Variants in LRP1B observed in about 807,000 individuals in gnomAD.
LRP1B encodes the protein LDL receptor related protein 1B, also known as low-density lipoprotein receptor-related protein 1B.
Under a neutral mutation model 556.6 loss-of-function variants are expected in LRP1B, and 217 were observed. The ratio of observed to expected loss-of-function variants is 0.39; its 90% CI spans 0.35 to 0.44. The LOEUF is 0.44. Among genes scored for constraint, LRP1B ranks in the 20% least tolerant of loss-of-function variants. LRP1B has a pLI of 1.00. For missense variants in LRP1B, 5,053 were observed against 5,620.8 expected (o/e 0.90, Z 3.23); for synonymous variants, 2,047 against 1,865.8 (o/e 1.10, Z -2.50).
At chr2:141,969,278 C>T (rs1019503401) in intron 1 of LRP1B, among the ~76,000 whole-genome samples, 1 of 151,596 alleles carries the variant, frequency 6.6e-6, no homozygotes, top group South Asian at 2.1e-4. Flanking sequence ...TCGAAATGTA[C>T]TCTTTCCAAC....
chr2:141,196,276 C>T (rs562597841), intron 6 of LRP1B, among the ~76,000 whole-genome samples: 5 of 152,174 alleles, frequency 3.3e-5, no homozygotes, highest in East Asian at 3.9e-4. Context: ...GTTTTGGCTA[C>T]GTCAAGTGCA....
intron 3 of LRP1B, among the ~76,000 whole-genome samples, chr2:141,412,456 C>A (rs1690887963): frequency 6.6e-6 from 1 of 152,152 alleles, no homozygotes; most frequent in Non-Finnish European, 1.5e-5. Flanking sequence ...GAAGCACATA[C>A]TCATCCAGGT....
intron 41 of LRP1B, among the ~76,000 whole-genome samples, chr2:140,607,322 G>A (rs1682903952): frequency 1.3e-5 from 2 of 152,084 alleles, no homozygotes; most frequent in Non-Finnish European, 2.9e-5. Flanking sequence ...TGGTGGAAAT[G>A]TAAAATGGAG....
At chr2:141,180,499 G>A (rs904778128) in intron 7 of LRP1B, among the ~76,000 whole-genome samples, 6 of 151,930 alleles carry the variant, frequency 3.9e-5, no homozygotes, top group Non-Finnish European at 7.4e-5. Context: ...CTTTATAAGT[G>A]AAACAATAAC....
intron 1 of LRP1B, among the ~76,000 whole-genome samples, chr2:141,883,267 T>TA (rs1329816269): frequency 6.6e-6 from 1 of 152,178 alleles, no homozygotes; most frequent in Non-Finnish European, 1.5e-5. Context: ...TTTGCTCCCA[T>TA]ACACTTTGTA....
intron 2 of LRP1B, among the ~76,000 whole-genome samples, chr2:141,762,855 T>C (rs1209672657): frequency 6.6e-6 from 1 of 152,250 alleles, no homozygotes; most frequent in African/African-American, 2.4e-5. Context: ...TGAGATAGGC[T>C]TCACAGGAAT....
chr2:140,765,366 C>T (rs900902933), intron 35 of LRP1B, among the ~76,000 whole-genome samples: 6 of 151,982 alleles, frequency 3.9e-5, no homozygotes, highest in Non-Finnish European at 7.4e-5. Context: ...CATAAGTACC[C>T]CAAGGGGAGG....
chr2:141,532,501 C>A (rs1684921257), intron 2 of LRP1B, among the ~76,000 whole-genome samples: 1 of 145,270 alleles, frequency 6.9e-6, no homozygotes, highest in African/African-American at 2.5e-5. Flanking sequence ...CACTCAAAGT[C>A]ATTTTTATTT....
rs560126478 is a variant in LRP1B at position 141,782,422 on chromosome 2, T to A, written c.205+27857A>T. Among the ~76,000 whole-genome samples the A allele has an allele frequency of 1.4e-3, 211 of 151,844 alleles. 1 individual carries two copies. The highest frequency in any genetic ancestry group is 5.0e-3 in the African/African-American group (208 of 41,460). On this transcript the variant is annotated intron_variant, in intron 2 of 90. Coordinates refer to ENST00000389484, the MANE Select transcript of LRP1B (RefSeq NM_018557.3). ...TACATTGTCTTCTACTCATTTAACC[T>A]CCATTATCTAAGACTAGAATTTAAT... is the stretch of plus-strand genomic sequence containing the variant.
chr2:140,564,140 T>A (rs141055027), intron 43 of LRP1B, among the ~76,000 whole-genome samples: 21 of 152,306 alleles, frequency 1.4e-4, no homozygotes, highest in African/African-American at 5.1e-4. Context: ...AATTGGGTAA[T>A]GGAAGATTTA....
At chr2:141,890,361 A>C (rs1480704072) in intron 1 of LRP1B, among the ~76,000 whole-genome samples, 1 of 51,854 alleles carries the variant, frequency 1.9e-5, no homozygotes, top group Non-Finnish European at 4.6e-5. Flanking sequence ...TGTATTGTGC[A>C]TATATATATA....
intron 9 of LRP1B, among the ~76,000 whole-genome samples, 157 bp downstream of exon 9, chr2:141,058,726 C>T (rs563853126): frequency 6.6e-5 from 10 of 151,902 alleles, no homozygotes; most frequent in East Asian, 5.8e-4. Context: ...AGACTTGTGA[C>T]GGGAGCTCTA....
At chr2:141,596,712 T>G (rs1263084509) in intron 2 of LRP1B, among the ~76,000 whole-genome samples, 1 of 151,988 alleles carries the variant, frequency 6.6e-6, no homozygotes. Flanking sequence ...TTAAGAGACT[T>G]CAGTGCAAAG....
chr2:141,516,899 G>A (rs1051296497), intron 2 of LRP1B, among the ~76,000 whole-genome samples: 10 of 148,782 alleles, frequency 6.7e-5, no homozygotes, highest in Middle Eastern at 3.5e-3. Flanking sequence ...GTTTCAGCAC[G>A]TTGGCCAGGC....
chr2:141,471,278 T>TG (rs1559089391), intron 3 of LRP1B, among the ~76,000 whole-genome samples: 21 of 144,792 alleles, frequency 1.5e-4, no homozygotes, highest in African/African-American at 2.5e-4. Flanking sequence ...ATTTTTTTTT[T>TG]TTTTTTTTTT....
chr2:141,644,055 T>C (rs891051118), intron 2 of LRP1B, among the ~76,000 whole-genome samples: 9 of 150,036 alleles, frequency 6.0e-5, no homozygotes, highest in Non-Finnish European at 1.3e-4. Context: ...TGTGTGTATG[T>C]GAGTAAAATC....
chr2:140,813,916 T>G (rs1477050598), intron 31 of LRP1B, 110 bp from the exon 32 acceptor site: 21 of 734,010 alleles, frequency 2.9e-5, no homozygotes, highest in Non-Finnish European at 4.7e-5. Context: ...TTCAGATTTT[T>G]GTCTTTACAA....
At chr2:141,701,404 CAAG>C (rs1247066993) in intron 2 of LRP1B, among the ~76,000 whole-genome samples, 1 of 151,832 alleles carries the variant, frequency 6.6e-6, no homozygotes, top group Admixed American at 6.6e-5. Context: ...CTAAGCATCA[CAAG>C]AACAACTCAG....
intron 11 of LRP1B, among the ~76,000 whole-genome samples, chr2:141,039,180 CCTAT>C (rs1423472693): frequency 2.6e-5 from 4 of 152,066 alleles, no homozygotes; most frequent in Admixed American, 6.6e-5. Context: ...CTCTATGTTA[CCTAT>C]CTGTTATTCA....
Sources: gnomAD v4.1 joint callset for allele counts (sites outside exome capture counted in the v4.1 genomes callset) on GRCh38, gnomAD v4.1.1 for gene constraint, MANE v1.5 for transcripts, NCBI Gene and HGNC (gene_info 2026-07-23, HGNC 2026-07-21) for gene names.